MINDY4: variants seen among roughly 807,000 people sequenced by gnomAD.
MINDY4 encodes the protein probable ubiquitin carboxyl-terminal hydrolase MINDY-4.
In MINDY4, 68 loss-of-function variants were observed where a neutral mutation model predicts 87.0. The ratio of observed to expected loss-of-function variants is 0.78; its 90% CI spans 0.64 to 0.96. The LOEUF (loss-of-function observed/expected upper bound fraction) is 0.96, where lower values mean the gene tolerates loss of function less well. Ranked by LOEUF, MINDY4 falls within the 40% of genes least tolerant of loss-of-function variation. The pLI is 0.00. For missense variants in MINDY4, 919 were observed against 928.2 expected (o/e 0.99, Z 0.13); for synonymous variants, 379 against 363.2 (o/e 1.04, Z -0.50).
intron 17 of MINDY4, among the ~76,000 whole-genome samples, chr7:30,887,867 G>A (rs1352256750): frequency 6.6e-6 from 1 of 152,234 alleles, no homozygotes; most frequent in Non-Finnish European, 1.5e-5. Flanking sequence ...GGGCCCAGCA[G>A]GGGTTAAGGC....
At chr7:30,836,600 A>C in intron 6 of MINDY4, 58 bp from the exon 7 acceptor site, 1 of 1,369,792 alleles carries the variant, frequency 7.3e-7, no homozygotes, top group Non-Finnish European at 1.0e-6. Context: ...CAGTGACTTC[A>C]TGTTCTGTTC....
chr7:30,865,525 C>T (rs562261608), intron 13 of MINDY4, among the ~76,000 whole-genome samples: 2 of 152,368 alleles, frequency 1.3e-5, no homozygotes, highest in African/African-American at 2.4e-5. Flanking sequence ...CTGGGAGCCA[C>T]CTGCTCCTTT....
chr7:30,845,608 T>A (rs1442244888), intron 9 of MINDY4, among the ~76,000 whole-genome samples: 1 of 151,540 alleles, frequency 6.6e-6, no homozygotes, highest in Non-Finnish European at 1.5e-5. Flanking sequence ...TCTGCGGCTC[T>A]GGGGAGCTCA....
intron 5 of MINDY4, among the ~76,000 whole-genome samples, chr7:30,797,484 T>A (rs1787524200): frequency 6.6e-6 from 1 of 152,014 alleles, no homozygotes; most frequent in Non-Finnish European, 1.5e-5. Flanking sequence ...TGCACTTTGA[T>A]CTCTGGACGC....
intron 17 of MINDY4, among the ~76,000 whole-genome samples, chr7:30,885,824 C>G (rs759455595): frequency 6.6e-6 from 1 of 152,154 alleles, no homozygotes; most frequent in Non-Finnish European, 1.5e-5. Flanking sequence ...TAGCTATCCC[C>G]TCATCCCCAG....
intron 5 of MINDY4, among the ~76,000 whole-genome samples, chr7:30,819,017 C>T (rs1452671035): frequency 6.6e-6 from 1 of 152,128 alleles, no homozygotes; most frequent in Non-Finnish European, 1.5e-5. Context: ...TTAAAAGAAT[C>T]GGTTTTGAAG....
intron 5 of MINDY4, among the ~76,000 whole-genome samples, chr7:30,796,048 A>G (rs568149847): frequency 2.6e-5 from 4 of 152,042 alleles, no homozygotes; most frequent in African/African-American, 9.6e-5. Context: ...TGGGATTAGG[A>G]TGTGGACATA....
chr7:30,852,578 C>T (rs1021486145), intron 11 of MINDY4, among the ~76,000 whole-genome samples: 2 of 135,990 alleles, frequency 1.5e-5, no homozygotes, highest in African/African-American at 5.6e-5. Flanking sequence ...CTGTGTCCTT[C>T]TTCCTCTTTC....
At chr7:30,772,391 C>A (rs1482382797) in intron 1 of MINDY4, among the ~76,000 whole-genome samples, 1 of 152,192 alleles carries the variant, frequency 6.6e-6, no homozygotes, top group East Asian at 1.9e-4. Flanking sequence ...GGAGACAATT[C>A]AAATATTTGC....
At chr7:30,781,902 T>C (rs1787016829) in intron 2 of MINDY4, 75 bp from the exon 3 acceptor site, 1 of 1,000,310 alleles carries the variant, frequency 1.0e-6, no homozygotes, top group East Asian at 2.5e-5. Flanking sequence ...GTCAAAGAAG[T>C]GGAATAGTTG....
chr7:30,838,243 G>T (rs1366793778), intron 7 of MINDY4, among the ~76,000 whole-genome samples: 1 of 152,160 alleles, frequency 6.6e-6, no homozygotes. Flanking sequence ...GTGATGCGTG[G>T]GTTGATGGGA....
intron 17 of MINDY4, among the ~76,000 whole-genome samples, chr7:30,884,118 T>C (rs1446058587): frequency 6.6e-6 from 1 of 152,072 alleles, no homozygotes; most frequent in Non-Finnish European, 1.5e-5. Context: ...GGTGAGGCCC[T>C]GCAATGCTTA....
chr7:30,791,572 C>G lies in MINDY4; in HGVS notation c.1071C>G (p.Val357=), dbSNP rs372857757. The change falls in exon 5 of 18, where the codon GTC becomes GTG. Residue 357 remains valine, a splice_region_variant and synonymous_variant. Coordinates refer to ENST00000265299, the MANE Select transcript of MINDY4 (RefSeq NM_032222.3). The part of the protein sequence containing the change: ...FKRQGSQPAP[V]RKNQLLPSDK... Reference sequence around the variant, plus strand: ...GGCAGGGCAGCCAGCCCGCACCTGTCAGGTGAGTGTGCTATGCAAAGGTGA... The same window carrying G: ...GGCAGGGCAGCCAGCCCGCACCTGTGAGGTGAGTGTGCTATGCAAAGGTGA... 2.5e-6 allele frequency: 4 copies of G among 1,608,340 alleles called. No individual in the cohort carries two copies. In the African/African-American group the frequency reaches 5.3e-5, roughly 21 times the overall value.
intron 5 of MINDY4, among the ~76,000 whole-genome samples, chr7:30,809,693 A>G (rs1191368684): frequency 6.6e-6 from 1 of 152,154 alleles, no homozygotes; most frequent in Non-Finnish European, 1.5e-5. Context: ...TGTAACATGT[A>G]TTATAGTAAC....
chr7:30,881,125 G>A (rs1259143322), intron 15 of MINDY4, among the ~76,000 whole-genome samples: 2 of 152,290 alleles, frequency 1.3e-5, no homozygotes, highest in Middle Eastern at 3.4e-3. Flanking sequence ...GCCAGAATCA[G>A]CCTGGCCCGT....
chr7:30,798,607 C>T (rs1385553196), intron 5 of MINDY4, among the ~76,000 whole-genome samples: 1 of 152,188 alleles, frequency 6.6e-6, no homozygotes, highest in Non-Finnish European at 1.5e-5. Context: ...CGCCATTCTC[C>T]TGCCTCAGCC....
chr7:30,817,308 A>G (rs1788181846), intron 5 of MINDY4, among the ~76,000 whole-genome samples: 1 of 151,994 alleles, frequency 6.6e-6, no homozygotes, highest in African/African-American at 2.4e-5. Flanking sequence ...CAAAGAAAAA[A>G]GGAGAGCAGG....
At chr7:30,813,984 A>G (rs1584267692) in intron 5 of MINDY4, among the ~76,000 whole-genome samples, 1 of 152,206 alleles carries the variant, frequency 6.6e-6, no homozygotes, top group Non-Finnish European at 1.5e-5. Flanking sequence ...AAACCAGGGC[A>G]GGACAGAGAA....
chr7:30,807,312 T>C (rs899788990), intron 5 of MINDY4, among the ~76,000 whole-genome samples: 2 of 152,130 alleles, frequency 1.3e-5, no homozygotes, highest in Admixed American at 1.3e-4. Context: ...AACCCCTGGA[T>C]CTGCCAAAGA....
Sources: gnomAD v4.1 joint callset for allele counts (sites outside exome capture counted in the v4.1 genomes callset) on GRCh38, gnomAD v4.1.1 for gene constraint, MANE v1.5 for transcripts, NCBI Gene and HGNC (gene_info 2026-07-23, HGNC 2026-07-21) for gene names.